The following PKP4 variants were observed in gnomAD, a reference collection of about 807,000 sequenced individuals.
PKP4 encodes plakophilin 4.
Under a neutral mutation model 145.1 loss-of-function variants are expected in PKP4, and 90 were observed. The ratio of observed to expected loss-of-function variants is 0.62; its 90% CI spans 0.52 to 0.74. The LOEUF is 0.74. PKP4 is among the 30% of genes least tolerant of loss of function. The pLI, the probability that PKP4 is intolerant of heterozygous loss-of-function variation, is 0.00. For missense variants in PKP4, 1,340 were observed against 1,482.7 expected (o/e 0.90, Z 1.58); for synonymous variants, 563 against 577.2 (o/e 0.98, Z 0.35).
At chr2:158,462,199 A>G (rs1689874757) in intron 1 of PKP4, among the ~76,000 whole-genome samples, 1 of 152,232 alleles carries the variant, frequency 6.6e-6, no homozygotes, top group Non-Finnish European at 1.5e-5. Flanking sequence ...GGAAGTAAAA[A>G]GCATCCCAAA....
intron 2 of PKP4, among the ~76,000 whole-genome samples, chr2:158,552,296 T>C (rs1272038356): frequency 6.6e-6 from 1 of 152,232 alleles, no homozygotes; most frequent in East Asian, 1.9e-4. Flanking sequence ...GTGAAAATGA[T>C]TTCTGATTTC....
At chr2:158,570,667 C>A (rs754478542) in intron 2 of PKP4, among the ~76,000 whole-genome samples, 5 of 152,086 alleles carry the variant, frequency 3.3e-5, no homozygotes, top group Non-Finnish European at 5.9e-5. Context: ...TATGTTGCCT[C>A]TTGGTGTGTT....
Position 158,669,690 on chromosome 2 carries a change from A to C in PKP4, c.2729-30A>C, listed in dbSNP as rs2057397525. 2.0e-6 allele frequency: 3 copies of C among 1,487,670 alleles called. No homozygotes were observed. The East Asian group carries it at 6.9e-5, about 34-fold the overall frequency. The allele number at this position is 1,487,670 out of a possible 1,614,324, so 92.2% of individuals were successfully genotyped here. ...ATAACAAAAACCTAGTACCTTCTGG[A>C]AGTAGAATTTACTCTTTTGCCGTTG... On this transcript the variant is annotated intron_variant, in intron 16 of 21. Transcript: ENST00000389759.
intron 3 of PKP4, among the ~76,000 whole-genome samples, chr2:158,593,447 A>T (rs1314850939): frequency 6.6e-6 from 1 of 152,178 alleles, no homozygotes; most frequent in Non-Finnish European, 1.5e-5. Flanking sequence ...ATTTATAGGG[A>T]TACCAGAGGG....
rs575897201 is a variant in PKP4 at position 158,628,004 on chromosome 2, C to T, written c.1153+2577C>T. Among the ~76,000 whole-genome samples, 21 of 149,984 alleles carry T rather than the reference C, an allele frequency of 1.4e-4. No homozygotes were observed. The South Asian group carries it at 2.1e-3, about 15-fold the overall frequency. ...TTTATTTTTTTATTTTTTTTTGAGA[C>T]GGAGTTTCGCTCTGTCACCAGGCTG... On this transcript the variant is annotated intron_variant, in intron 7 of 21. Coordinates refer to ENST00000389759, the MANE Select transcript of PKP4 (RefSeq NM_003628.6).
chr2:158,513,571 C>T (rs1302821251), intron 1 of PKP4, among the ~76,000 whole-genome samples: 1 of 152,100 alleles, frequency 6.6e-6, no homozygotes, highest in African/African-American at 2.4e-5. Context: ...CTTTTCCTCA[C>T]GGTTGCTTCC....
At chr2:158,568,422 G>A (rs1210369637) in intron 2 of PKP4, among the ~76,000 whole-genome samples, 2 of 152,180 alleles carry the variant, frequency 1.3e-5, no homozygotes, top group East Asian at 3.9e-4. Flanking sequence ...TGCTGGTTCA[G>A]GGACCACACT....
In PKP4 at chr2:158,497,715, A is replaced by G. The variant is rs76168164; in HGVS notation, c.-5-35465A>G. Among the ~76,000 whole-genome samples, 250 of 152,340 alleles carry G rather than the reference A, an allele frequency of 1.6e-3. 6 individuals are homozygous for G. In the East Asian group the frequency reaches 0.043, roughly 26 times the overall value. On this transcript the variant is annotated intron_variant, in intron 1 of 21. Transcript: ENST00000389759. Reference sequence around the variant, plus strand: ...TGTGTAACTCAGTTTTGCCTTAAAGATTAAATGATATAATGTTTTAAAGTG... The same window carrying G: ...TGTGTAACTCAGTTTTGCCTTAAAGGTTAAATGATATAATGTTTTAAAGTG...
intron 11 of PKP4, among the ~76,000 whole-genome samples, chr2:158,649,567 G>A (rs3771663): frequency 0.03 from 4,515 of 152,208 alleles, 197 homozygotes; most frequent in East Asian, 0.18. Flanking sequence ...TTTAGGTCTT[G>A]CGTCTATTTC....
chr2:158,484,133 C>T lies in PKP4; in HGVS notation c.-6+26915C>T, dbSNP rs553106473. 9.0e-3 allele frequency among the ~76,000 whole-genome samples: 1,369 copies of T among 151,848 alleles called. 6 individuals are homozygous for T. Among genetic ancestry groups the T allele is most frequent in the Non-Finnish European group, 0.013 (915 of 67,920 alleles). On this transcript the variant is annotated intron_variant, in intron 1 of 21. Transcript: ENST00000389759. ...CGCAATCTCGGCTCACTGCAAGCTC[C>T]GCCTCCCGGGTTCACGCCATTCTCC... is the stretch of plus-strand genomic sequence containing the variant.
At chr2:158,619,862 C>T (rs1216385168) in intron 4 of PKP4, among the ~76,000 whole-genome samples, 1 of 152,150 alleles carries the variant, frequency 6.6e-6, no homozygotes, top group Non-Finnish European at 1.5e-5. Flanking sequence ...GGCTGGCCTC[C>T]TGTGGTAAAT....
chr2:158,539,451 C>T (rs2044330727), intron 2 of PKP4, among the ~76,000 whole-genome samples: 1 of 152,188 alleles, frequency 6.6e-6, no homozygotes, highest in African/African-American at 2.4e-5. Context: ...ATGAAATAGT[C>T]CTCTCTGACA....
intron 1 of PKP4, among the ~76,000 whole-genome samples, chr2:158,496,988 A>T (rs1178193382): frequency 6.6e-6 from 1 of 152,042 alleles, no homozygotes; most frequent in Non-Finnish European, 1.5e-5. Flanking sequence ...CCACTAACAG[A>T]TTTTTTTCTA....
chr2:158,666,902 G>A (rs1237092963), intron 16 of PKP4, among the ~76,000 whole-genome samples: 2 of 152,052 alleles, frequency 1.3e-5, no homozygotes, highest in African/African-American at 4.8e-5. Flanking sequence ...TCCAATTTTT[G>A]GACTGCTACC....
At chr2:158,544,917 C>A (rs1462484194) in intron 2 of PKP4, among the ~76,000 whole-genome samples, 1 of 152,132 alleles carries the variant, frequency 6.6e-6, no homozygotes, top group Admixed American at 6.6e-5. Context: ...TCCCCTGTCC[C>A]ACCTAGAGCT....
chr2:158,463,399 A>G (rs546401664), intron 1 of PKP4, among the ~76,000 whole-genome samples: 2 of 150,644 alleles, frequency 1.3e-5, no homozygotes, highest in East Asian at 2.0e-4. Flanking sequence ...TCTGTCTGAA[A>G]GTGATCACAG....
At chr2:158,538,697 A>G (rs2044271935) in intron 2 of PKP4, among the ~76,000 whole-genome samples, 1 of 151,940 alleles carries the variant, frequency 6.6e-6, no homozygotes, top group Non-Finnish European at 1.5e-5. Context: ...GTCTGCCACT[A>G]CACCCAGTTA....
At chr2:158,556,227 A>C (rs751295800) in intron 2 of PKP4, among the ~76,000 whole-genome samples, 2 of 152,214 alleles carry the variant, frequency 1.3e-5, no homozygotes, top group Non-Finnish European at 2.9e-5. Context: ...AAATATCTTC[A>C]TATCGGGTAG....
intron 1 of PKP4, among the ~76,000 whole-genome samples, chr2:158,465,729 A>G (rs1226356859): frequency 6.6e-6 from 1 of 152,202 alleles, no homozygotes; most frequent in Admixed American, 6.5e-5. Context: ...GAATCTCAGA[A>G]TGATGCACTG....
Sources: gnomAD v4.1 joint callset for allele counts (sites outside exome capture counted in the v4.1 genomes callset) on GRCh38, gnomAD v4.1.1 for gene constraint, MANE v1.5 for transcripts, NCBI Gene and HGNC (gene_info 2026-07-23, HGNC 2026-07-21) for gene names.